The following CNIH3 variants were observed in gnomAD, a reference collection of about 807,000 sequenced individuals.
CNIH3 encodes the protein protein cornichon homolog 3.
In CNIH3, 14 loss-of-function variants were observed where a neutral mutation model predicts 24.1. The observed-to-expected ratio is 0.58, with a 90% CI of 0.38 to 0.91. The LOEUF is 0.91. CNIH3 is among the 40% of genes least tolerant of loss of function. The pLI is 0.00. For missense variants in CNIH3, 178 were observed against 196.8 expected (o/e 0.90, Z 0.57); for synonymous variants, 68 against 73.8 (o/e 0.92, Z 0.40).
At chr1:224,589,607 C>T (rs962029692), downstream of CNIH3, among the ~76,000 whole-genome samples, 1 of 152,156 alleles carries the variant, frequency 6.6e-6, no homozygotes, top group African/African-American at 2.4e-5. Context: ...TATTTCTGTC[C>T]AAACTCAACT....
intron 2 of CNIH3, among the ~76,000 whole-genome samples, chr1:224,682,804 C>A (rs116370760): frequency 1.3e-5 from 2 of 152,220 alleles, no homozygotes; most frequent in African/African-American, 4.8e-5. Flanking sequence ...TTCCTTCCTT[C>A]TAATTGTTTG....
At chr1:224,603,646 T>A (rs1682296294) in intron 3 of CNIH3, among the ~76,000 whole-genome samples, 2 of 152,350 alleles carry the variant, frequency 1.3e-5, no homozygotes, top group South Asian at 2.1e-4. Flanking sequence ...ACATTTTTTT[T>A]ATGGTTTTTG....
intron 1 of CNIH3, among the ~76,000 whole-genome samples, chr1:224,487,585 A>C (rs538786337): frequency 6.6e-6 from 1 of 152,212 alleles, no homozygotes; most frequent in Non-Finnish European, 1.5e-5. Context: ...ATCTGCAGCT[A>C]TTTAAAGGAT....
In CNIH3 at chr1:224,460,831, G is replaced by A. The variant is rs540322988; in HGVS notation, n.203+25969G>A. 2.7e-5 allele frequency among the ~76,000 whole-genome samples: 4 copies of A among 150,922 alleles called. No homozygotes were observed. The East Asian group carries it at 5.8e-4, about 22-fold the overall frequency. ...GTCACCCAGGCTGGAGTGCAATTGC[G>A]TGACTATGGCTCACTATGGCCTTAA... On this transcript the variant is annotated intron_variant and non_coding_transcript_variant, in intron 1 of 5. Transcript: ENST00000471578.
chr1:224,549,892 A>G (rs918140195), intron 3 of CNIH3, among the ~76,000 whole-genome samples: 1 of 152,208 alleles, frequency 6.6e-6, no homozygotes, highest in Non-Finnish European at 1.5e-5. Flanking sequence ...AACACTGGTT[A>G]TTAAAGAAAT....
At chr1:224,563,226 C>CT (rs1335340122) in intron 3 of CNIH3, among the ~76,000 whole-genome samples, 1 of 152,186 alleles carries the variant, frequency 6.6e-6, no homozygotes, top group Non-Finnish European at 1.5e-5. Context: ...TACACCTCTT[C>CT]TTTTTATAAA....
intron 3 of CNIH3, among the ~76,000 whole-genome samples, chr1:224,559,969 T>A (rs1350834200): frequency 6.6e-6 from 1 of 152,212 alleles, no homozygotes; most frequent in Non-Finnish European, 1.5e-5. Context: ...TAGTTTCAAC[T>A]ATTTTTGAAC....
chr1:224,553,147 T>C (rs1426532906), intron 3 of CNIH3, among the ~76,000 whole-genome samples: 1 of 150,180 alleles, frequency 6.7e-6, no homozygotes. Flanking sequence ...CTCCCTGTGA[T>C]ATTACAAGTA....
chr1:224,569,857 C>G (rs527632108), intron 4 of CNIH3, among the ~76,000 whole-genome samples: 8 of 152,138 alleles, frequency 5.3e-5, no homozygotes, highest in African/African-American at 1.9e-4. Context: ...GATCTCAGCT[C>G]ACTGCAAACT....
chr1:224,548,831 G>A (rs1679804430), intron 3 of CNIH3, among the ~76,000 whole-genome samples: 1 of 150,012 alleles, frequency 6.7e-6, no homozygotes, highest in African/African-American at 2.5e-5. Flanking sequence ...AATATAACAG[G>A]GGGTGTACAC....
rs551184583 is a variant in CNIH3 at position 224,574,264 on chromosome 1, A to G, written n.516+8000A>G. Among the ~76,000 whole-genome samples, 5 of 152,292 alleles carry G rather than the reference A, an allele frequency of 3.3e-5. No homozygotes were observed. In the East Asian group the frequency reaches 7.7e-4, roughly 23 times the overall value. On this transcript the variant is annotated intron_variant and non_coding_transcript_variant, in intron 4 of 5. Coordinates refer to the CNIH3 transcript ENST00000471578. ...CTAGAAAATAAGCAACCTCCCACTT[A>G]CCGGCTTTGCAAATCCAAATCTATT...
intron 1 of CNIH3, among the ~76,000 whole-genome samples, chr1:224,517,413 G>A (rs1032222296): frequency 2.0e-5 from 3 of 152,160 alleles, no homozygotes; most frequent in Admixed American, 6.5e-5. Flanking sequence ...CTGGAGTGGC[G>A]TTTGATGCCT....
chr1:224,517,869 C>T (rs74146365), intron 1 of CNIH3, among the ~76,000 whole-genome samples: 5,627 of 152,256 alleles, frequency 0.037, 307 homozygotes, highest in African/African-American at 0.12. Flanking sequence ...GATGTTATTA[C>T]TGCCAACCCA....
chr1:224,516,081 C>G (rs1299145311), intron 1 of CNIH3, among the ~76,000 whole-genome samples: 2 of 151,954 alleles, frequency 1.3e-5, no homozygotes, highest in African/African-American at 4.8e-5. Context: ...CTTTGGGAGG[C>G]CGAGGTGGGC....
chr1:224,621,165 A>G (rs1683260151), intron 1 of CNIH3, among the ~76,000 whole-genome samples: 1 of 152,236 alleles, frequency 6.6e-6, no homozygotes, highest in Non-Finnish European at 1.5e-5. Flanking sequence ...CTGATGCACC[A>G]TCTCACCTTG....
rs112010028 is a variant in CNIH3, at chr1:224,686,092, G to C, written c.198+1249G>C. 8.8e-3 allele frequency among the ~76,000 whole-genome samples: 1,334 copies of C among 151,078 alleles called. 18 individuals carry two copies. The highest frequency in any genetic ancestry group is 0.03 in the African/African-American group (1,244 of 41,058). On this transcript the variant is annotated intron_variant, in intron 3 of 5. Coordinates refer to ENST00000272133, the MANE Select transcript of CNIH3 (RefSeq NM_152495.2). ...TACATATGTATACATGTGCCATGTTGGTGTGCTGCACCCATTGACTCGTCA... is the reference window on the plus strand; with the variant it reads ...TACATATGTATACATGTGCCATGTTCGTGTGCTGCACCCATTGACTCGTCA...
At chr1:224,585,227 C>T (rs186766882) in intron 5 of CNIH3, among the ~76,000 whole-genome samples, 254 of 152,262 alleles carry the variant, frequency 1.7e-3, no homozygotes, top group Non-Finnish European at 2.5e-3. Flanking sequence ...AGATCGAATC[C>T]TACTCGCTTA....
At chr1:224,634,366 C>T (rs1017470255) in intron 1 of CNIH3, among the ~76,000 whole-genome samples, 1 of 152,034 alleles carries the variant, frequency 6.6e-6, no homozygotes, top group Non-Finnish European at 1.5e-5. Context: ...GTCAGGTGTT[C>T]GAGATGAGCC....
chr1:224,726,696 G>A (rs956324508), intron 3 of CNIH3, among the ~76,000 whole-genome samples: 2 of 152,002 alleles, frequency 1.3e-5, no homozygotes, highest in African/African-American at 4.8e-5. Context: ...AACCTTCCAT[G>A]ATCCCCCTGG....
Sources: allele counts gnomAD v4.1 joint callset (sites outside exome capture counted in the v4.1 genomes callset), GRCh38; gene constraint gnomAD v4.1.1; transcripts MANE v1.5; gene names NCBI Gene and HGNC (gene_info 2026-07-23, HGNC 2026-07-21).